Variants in UNC5D observed in about 807,000 individuals in gnomAD.
UNC5D encodes netrin receptor UNC5D.
In UNC5D, 39 loss-of-function variants were observed where a neutral mutation model predicts 105.4. The ratio of observed to expected loss-of-function variants is 0.37; its 90% CI spans 0.29 to 0.48. The LOEUF (loss-of-function observed/expected upper bound fraction) is 0.48, where lower values mean the gene tolerates loss of function less well. Among genes scored for constraint, UNC5D ranks in the 20% least tolerant of loss-of-function variants. The probability of loss-of-function intolerance (pLI) is 0.98; values close to 1 mark genes in which losing one functional copy is unlikely to be tolerated. For missense variants in UNC5D, 991 were observed against 1,202.4 expected (o/e 0.82, Z 2.60); for synonymous variants, 452 against 450.4 (o/e 1.00, Z -0.04).
intron 1 of UNC5D, among the ~76,000 whole-genome samples, chr8:35,426,955 C>T (rs567441337): frequency 1.3e-5 from 2 of 152,266 alleles, no homozygotes; most frequent in East Asian, 1.9e-4. Context: ...TATTGACTCC[C>T]ATTCTGGTAC....
chr8:35,726,695 A>C, intron 10 of UNC5D, 166 bp downstream of exon 10: 2 of 1,049,942 alleles, frequency 1.9e-6, no homozygotes, highest in Non-Finnish European at 2.7e-6. Context: ...ACCAGAACCA[A>C]TGCTGAGATT....
At chr8:35,690,842 A>G (rs1192700226) in intron 7 of UNC5D, among the ~76,000 whole-genome samples, 2 of 152,234 alleles carry the variant, frequency 1.3e-5, no homozygotes, top group Non-Finnish European at 2.9e-5. Flanking sequence ...TTGTTGAAGA[A>G]TCTAGGTCAT....
chr8:35,381,752 G>T (rs545621740), intron 1 of UNC5D, among the ~76,000 whole-genome samples: 1 of 152,190 alleles, frequency 6.6e-6, no homozygotes, highest in East Asian at 1.9e-4. Context: ...TTGAAGTTTT[G>T]CTCCTTTGAT....
At chr8:35,619,538 C>T (rs574635031) in intron 4 of UNC5D, among the ~76,000 whole-genome samples, 3 of 152,106 alleles carry the variant, frequency 2.0e-5, no homozygotes, top group Non-Finnish European at 2.9e-5. Context: ...AGCCATTGAG[C>T]GACTTGCTTC....
intron 1 of UNC5D, among the ~76,000 whole-genome samples, chr8:35,373,235 T>C (rs1802521643): frequency 6.6e-6 from 1 of 152,218 alleles, no homozygotes; most frequent in African/African-American, 2.4e-5. Context: ...ATAGTTTTGC[T>C]TTTTTAAACA....
chr8:35,552,325 A>G (rs1015720227), intron 2 of UNC5D, among the ~76,000 whole-genome samples: 10 of 147,766 alleles, frequency 6.8e-5, no homozygotes, highest in Admixed American at 2.8e-4. Context: ...TCTCCTTCAG[A>G]TGAATTTCTT....
intron 1 of UNC5D, among the ~76,000 whole-genome samples, chr8:35,498,015 G>A (rs1337285534): frequency 1.4e-5 from 2 of 140,752 alleles, no homozygotes; most frequent in African/African-American, 5.3e-5. Context: ...GTTGCAGTGG[G>A]ATGAGATTGC....
At chr8:35,511,250 T>C (rs1002489439) in intron 1 of UNC5D, among the ~76,000 whole-genome samples, 19 of 152,204 alleles carry the variant, frequency 1.2e-4, no homozygotes, top group African/African-American at 4.3e-4. Context: ...ACATGATTTC[T>C]GGCTAACCTG....
intron 1 of UNC5D, among the ~76,000 whole-genome samples, chr8:35,387,236 G>T (rs1410305598): frequency 6.6e-6 from 1 of 151,834 alleles, no homozygotes; most frequent in Non-Finnish European, 1.5e-5. Flanking sequence ...GGTGCTGTGT[G>T]CCTGTAGTCC....
In UNC5D at chr8:35,449,691, A is replaced by G. The variant is rs1158391083; in HGVS notation, c.104-99601A>G. The stretch of plus-strand genomic sequence containing the variant: ...TATTCTTGCCCGTTTTATGTCTTCC[A>G]CCATATCAAAAGCTCCATGAGATCA... On this transcript the variant is annotated intron_variant, in intron 1 of 16. Coordinates refer to ENST00000404895, the MANE Select transcript of UNC5D (RefSeq NM_080872.4). Among the ~76,000 whole-genome samples, 4 of 152,108 alleles carry G rather than the reference A, an allele frequency of 2.6e-5. No homozygotes were observed. The South Asian group carries it at 6.2e-4, about 24-fold the overall frequency.
At chr8:35,700,117 A>G (rs1388916527) in intron 7 of UNC5D, among the ~76,000 whole-genome samples, 3 of 152,216 alleles carry the variant, frequency 2.0e-5, no homozygotes, top group South Asian at 2.1e-4. Context: ...CACTGCTAAT[A>G]CAAGGCCTAT....
intron 11 of UNC5D, among the ~76,000 whole-genome samples, chr8:35,740,090 T>C (rs766556372): frequency 1.2e-4 from 19 of 152,148 alleles, no homozygotes; most frequent in Non-Finnish European, 2.8e-4. Flanking sequence ...GCGTGGTGTC[T>C]GAGAGACAAT....
intron 1 of UNC5D, among the ~76,000 whole-genome samples, chr8:35,540,234 T>G (rs146417580): frequency 1.9e-3 from 293 of 152,336 alleles, no homozygotes; most frequent in African/African-American, 6.6e-3. Context: ...CATCTCCATA[T>G]TCTCAGCAAG....
intron 4 of UNC5D, among the ~76,000 whole-genome samples, chr8:35,664,188 A>G (rs558894686): frequency 3.3e-5 from 5 of 152,320 alleles, no homozygotes; most frequent in Admixed American, 2.6e-4. Flanking sequence ...AGTTTTACCT[A>G]TAAAATTATC....
At chr8:35,376,426 G>A (rs1262382591) in intron 1 of UNC5D, among the ~76,000 whole-genome samples, 1 of 152,132 alleles carries the variant, frequency 6.6e-6, no homozygotes, top group African/African-American at 2.4e-5. Context: ...CTAAACCCCG[G>A]ACCCAGGGGT....
chr8:35,654,171 G>T (rs1205468563), intron 4 of UNC5D, among the ~76,000 whole-genome samples: 4 of 151,718 alleles, frequency 2.6e-5, no homozygotes, highest in Non-Finnish European at 5.9e-5. Context: ...TACCTTTTGG[G>T]GTATAAGTGA....
chr8:35,351,523 A>G (rs1258352522), intron 1 of UNC5D, among the ~76,000 whole-genome samples: 3 of 152,094 alleles, frequency 2.0e-5, no homozygotes, highest in African/African-American at 7.2e-5. Flanking sequence ...ATGCTTCTGA[A>G]TTGTATCCAG....
intron 1 of UNC5D, among the ~76,000 whole-genome samples, chr8:35,531,984 T>TCTTG (rs1309440637): frequency 7.2e-6 from 1 of 138,496 alleles, no homozygotes; most frequent in Non-Finnish European, 1.5e-5. Flanking sequence ...CACTGATGGG[T>TCTTG]CTTGACTCTT....
chr8:35,335,480 T>G lies in UNC5D; in HGVS notation c.103+99593T>G, dbSNP rs561854369. 1.6e-4 allele frequency among the ~76,000 whole-genome samples: 25 copies of G among 152,354 alleles called. No homozygotes were observed. The South Asian group carries it at 5.0e-3, about 30-fold the overall frequency. ...TTAAGCACTTAGCACTCTGTCTAGC[T>G]TATAGTTAGGTTTTAAAATCTTAAC... is the stretch of plus-strand genomic sequence containing the variant. On this transcript the variant is annotated intron_variant, in intron 1 of 16. Transcript: ENST00000404895.
Sources: gnomAD v4.1 joint callset for allele counts (sites outside exome capture counted in the v4.1 genomes callset) on GRCh38, gnomAD v4.1.1 for gene constraint, MANE v1.5 for transcripts, NCBI Gene and HGNC (gene_info 2026-07-23, HGNC 2026-07-21) for gene names.